NTM: variants seen among roughly 807,000 people sequenced by gnomAD.
NTM encodes neurotrimin, also known as IgLON family member 2.
Under a neutral mutation model 42.1 loss-of-function variants are expected in NTM, and 13 were observed. That is an observed-to-expected ratio of 0.31 (90% CI 0.20 to 0.49). NTM has a LOEUF of 0.49. NTM is among the 20% of genes least tolerant of loss of function. NTM has a pLI of 0.99. For missense variants in NTM, 373 were observed against 452.8 expected (o/e 0.82, Z 1.60); for synonymous variants, 187 against 179.2 (o/e 1.04, Z -0.35).
chr11:132,080,296 A>C (rs1163663838), intron 2 of NTM, among the ~76,000 whole-genome samples: 3 of 152,228 alleles, frequency 2.0e-5, no homozygotes, highest in African/African-American at 7.2e-5. Context: ...CTAAATGTGC[A>C]GTCACTGCAG....
At chr11:131,702,719 T>C (rs555139495) in intron 1 of NTM, among the ~76,000 whole-genome samples, 1 of 152,350 alleles carries the variant, frequency 6.6e-6, no homozygotes, top group Admixed American at 6.5e-5. Flanking sequence ...TAATTTTGTT[T>C]GGTTTTGTTG....
At chr11:132,333,001 A>G (rs74770939) in intron 8 of NTM, among the ~76,000 whole-genome samples, 4,584 of 152,242 alleles carry the variant, frequency 0.03, 221 homozygotes, top group African/African-American at 0.1. Flanking sequence ...ATGGGTTTCA[A>G]AGATGTGTGT....
chr11:132,272,408 G>T (rs1224005146), intron 4 of NTM, among the ~76,000 whole-genome samples: 4 of 152,064 alleles, frequency 2.6e-5, no homozygotes. Flanking sequence ...GTCAATCTCA[G>T]CAAAGAAGCC....
intron 1 of NTM, among the ~76,000 whole-genome samples, chr11:131,907,343 G>A (rs576598178): frequency 2.0e-5 from 3 of 152,340 alleles, no homozygotes; most frequent in South Asian, 2.1e-4. Flanking sequence ...ACAGATGCCA[G>A]GGTTGCCTGA....
intron 1 of NTM, among the ~76,000 whole-genome samples, chr11:131,428,997 G>A (rs979961235): frequency 2.0e-5 from 3 of 152,000 alleles, no homozygotes; most frequent in African/African-American, 7.2e-5. Flanking sequence ...GGAGGTTGCA[G>A]TAAGCCGAGA....
intron 1 of NTM, among the ~76,000 whole-genome samples, chr11:131,873,817 CCCCCAACAGGCCCCAGTGTGTGATATT>C (rs2048154277): frequency 7.1e-6 from 1 of 141,660 alleles, no homozygotes; most frequent in Non-Finnish European, 1.5e-5. Context: ...TTGCCCCCAT[CCCCCAACAGGCCCCAGTGTGTGATATT>C]CCCCACCCTG....
At chr11:131,613,588 C>T (rs78183475) in intron 1 of NTM, among the ~76,000 whole-genome samples, 2,955 of 152,206 alleles carry the variant, frequency 0.019, 85 homozygotes, top group African/African-American at 0.067. Flanking sequence ...CAAGTTCAAC[C>T]GTCTCATTTT....
intron 2 of NTM, among the ~76,000 whole-genome samples, chr11:132,123,551 G>C (rs1287185551): frequency 6.6e-6 from 1 of 152,334 alleles, no homozygotes; most frequent in Non-Finnish European, 1.5e-5. Context: ...CAATGTGGAT[G>C]GGCCTATGGC....
chr11:132,118,177 C>G (rs113066920), intron 2 of NTM, among the ~76,000 whole-genome samples: 2 of 152,152 alleles, frequency 1.3e-5, no homozygotes, highest in East Asian at 3.9e-4. Flanking sequence ...ATTTTAAAAG[C>G]GTAAGTTGAG....
At chr11:131,756,702 A>T (rs2083388505) in intron 1 of NTM, among the ~76,000 whole-genome samples, 1 of 151,964 alleles carries the variant, frequency 6.6e-6, no homozygotes, top group Non-Finnish European at 1.5e-5. Context: ...ACACACAAAA[A>T]ATTGCTATAA....
chr11:132,190,658 A>G (rs1270670824), intron 3 of NTM, among the ~76,000 whole-genome samples: 1 of 151,146 alleles, frequency 6.6e-6, no homozygotes, highest in Non-Finnish European at 1.5e-5. Context: ...AATCACTTGA[A>G]CCCAGGTGGC....
At chr11:131,510,877 C>G (rs1377581353) in intron 1 of NTM, among the ~76,000 whole-genome samples, 1 of 152,124 alleles carries the variant, frequency 6.6e-6, no homozygotes, top group Non-Finnish European at 1.5e-5. Flanking sequence ...CCCCCTGGGC[C>G]GTGGGAAGAG....
In NTM at chr11:132,146,412, A is replaced by C. The variant is rs774975134; in HGVS notation, c.298A>C (p.Ile100Leu). ...GAGCAACACCCAAACGCAGTACAGC[A>C]TCGAGATCCAGAACGTGGATGTGTA... is the stretch of plus-strand genomic sequence containing the variant. ...LLSNTQTQYS[I>L]EIQNVDVYDE... Residue 100 changes from isoleucine to leucine, a missense_variant, in exon 3 of 9, where the codon ATC becomes CTC. Coordinates refer to ENST00000683400, the MANE Select transcript of NTM (RefSeq NM_001352005.2). The surrounding 1 kb of genome is among the most constrained non-coding windows in gnomAD (Gnocchi z 4.5). 2 of 1,614,214 alleles carry C rather than the reference A, an allele frequency of 1.2e-6. No homozygotes were observed. Among genetic ancestry groups the C allele is most frequent in the Non-Finnish European group, 1.7e-6 (2 of 1,180,044 alleles).
chr11:131,638,513 C>CTGAGAT (rs1375900385), intron 1 of NTM, among the ~76,000 whole-genome samples: 2 of 137,176 alleles, frequency 1.5e-5, no homozygotes, highest in Non-Finnish European at 3.0e-5. Context: ...TTGTGGTGAG[C>CTGAGAT]TGAGATTGCA....
chr11:131,672,338 C>T (rs1359432586), intron 1 of NTM, among the ~76,000 whole-genome samples: 1 of 152,232 alleles, frequency 6.6e-6, no homozygotes, highest in Non-Finnish European at 1.5e-5. Context: ...GAGGCGGCGA[C>T]TTGAGCAAAT....
At chr11:131,602,099 C>T (rs1259542637) in intron 1 of NTM, among the ~76,000 whole-genome samples, 2 of 152,188 alleles carry the variant, frequency 1.3e-5, no homozygotes, top group Non-Finnish European at 2.9e-5. Flanking sequence ...ATTAAAAGTA[C>T]TTATTTCATC....
intron 1 of NTM, among the ~76,000 whole-genome samples, chr11:131,597,134 T>TCA (rs961732825): frequency 6.6e-6 from 1 of 152,116 alleles, no homozygotes; most frequent in African/African-American, 2.4e-5. Flanking sequence ...GGCAACGCCC[T>TCA]CACACACACA....
At chr11:131,556,012 A>G (rs1056710508) in intron 1 of NTM, among the ~76,000 whole-genome samples, 2 of 152,188 alleles carry the variant, frequency 1.3e-5, no homozygotes, top group Non-Finnish European at 2.9e-5. Flanking sequence ...GAGTCAATGG[A>G]AAGTTTCTTG....
rs1040864983 is a variant in NTM at position 131,535,309 on chromosome 11, T to A, written c.82+164421T>A. The A allele has an allele frequency of 2.0e-5, 3 of 152,144 alleles. No individual in the cohort carries two copies. The South Asian group carries it at 6.2e-4, about 32-fold the overall frequency. 9.4% of individuals were successfully genotyped at this position (152,144 alleles called of 1,614,324 possible). A position where few individuals can be genotyped will look rare whatever the true frequency, so the allele number is the denominator to read the frequency against. On this transcript the variant is annotated intron_variant, in intron 1 of 8. Transcript: ENST00000683400. ...CTAGCCAAGGGTGTAAACAGTTATA[T>A]GGCAATAAAAGAAATAAATAACAAC...
Sources: gnomAD v4.1 joint callset for allele counts (sites outside exome capture counted in the v4.1 genomes callset) on GRCh38, gnomAD v4.1.1 for gene constraint, Gnocchi (gnomAD v3.1) non-coding constraint, MANE v1.5 for transcripts, NCBI Gene and HGNC (gene_info 2026-07-23, HGNC 2026-07-21) for gene names.